WIPI2: variants seen among roughly 807,000 people sequenced by gnomAD.
WIPI2 encodes WD repeat domain, phosphoinositide interacting 2.
WIPI2 carries 28 observed loss-of-function variants against 52.3 expected under a neutral mutation model. The ratio of observed to expected loss-of-function variants is 0.54; its 90% CI spans 0.40 to 0.73. WIPI2 has a LOEUF of 0.73. Among genes scored for constraint, WIPI2 ranks in the 30% least tolerant of loss-of-function variants. The pLI is 0.00. For missense variants in WIPI2, 506 were observed against 602.9 expected, an observed-to-expected ratio of 0.84 and a Z score of 1.68; for synonymous variants, 268 against 245.0, an observed-to-expected ratio of 1.09 and a Z score of -0.88.
At chr7:5,211,243 G>A (rs1278090168) in intron 3 of WIPI2, among the ~76,000 whole-genome samples, 4 of 152,174 alleles carry the variant, frequency 2.6e-5, no homozygotes, top group South Asian at 2.1e-4. Context: ...AGGCTGAGGC[G>A]GGTGCATCAC....
intron 3 of WIPI2, among the ~76,000 whole-genome samples, chr7:5,205,933 G>A (rs370317766): frequency 6.7e-4 from 100 of 150,088 alleles, no homozygotes; most frequent in African/African-American, 2.4e-3. Context: ...TTTTTCTGTT[G>A]GGTTATTTAT....
At chr7:5,206,776 A>G (rs1782316322) in intron 3 of WIPI2, among the ~76,000 whole-genome samples, 1 of 151,936 alleles carries the variant, frequency 6.6e-6, no homozygotes, top group African/African-American at 2.4e-5. Flanking sequence ...TTTTATGTTT[A>G]TTTCTTTTTT....
At chr7:5,194,672 A>T (rs1166749372) in intron 2 of WIPI2, among the ~76,000 whole-genome samples, 1 of 152,254 alleles carries the variant, frequency 6.6e-6, no homozygotes, top group Non-Finnish European at 1.5e-5. Flanking sequence ...ATGGGGTTTC[A>T]CTTTGTTGCC....
rs1783491433 is a variant in WIPI2, at chr7:5,227,407, G to A, written c.1013+63G>A. The stretch of plus-strand genomic sequence containing the variant: ...GCCTCAGGCCGAGGGGCCCAGTCCT[G>A]GCGGCTTGTGGCCCCTTCCGTGCTT... On this transcript the variant is annotated intron_variant, in intron 10 of 12. Coordinates refer to ENST00000288828, the MANE Select transcript of WIPI2 (RefSeq NM_015610.4). The surrounding 1 kb of genome is among the most constrained non-coding windows in gnomAD (Gnocchi z 8.1). 3.2e-6 allele frequency: 5 copies of A among 1,575,106 alleles called. No individual in the cohort carries two copies. The highest frequency in any genetic ancestry group is 1.3e-5 in the African/African-American group (1 of 74,100).
intron 2 of WIPI2, among the ~76,000 whole-genome samples, chr7:5,198,336 T>G (rs1243873813): frequency 6.6e-6 from 1 of 151,838 alleles, no homozygotes; most frequent in Non-Finnish European, 1.5e-5. Context: ...TTTTTTTGGT[T>G]GGAGTCTCGC....
Position 5,193,178 on chromosome 7 carries a change from T to G in WIPI2, c.128+7T>G, listed in dbSNP as rs139158009. On this transcript the variant is annotated splice_region_variant and intron_variant, in intron 2 of 12. Coordinates refer to ENST00000288828, the MANE Select transcript of WIPI2 (RefSeq NM_015610.4). ...GCCGTCGCGCTGTTGTCTGGTTAGT[T>G]CCAACCCTGGTTTCTGAAAGTATCA... The G allele has an allele frequency of 2.0e-3, 3,248 of 1,613,162 alleles. 80 individuals carry two copies. The East Asian group carries it at 0.057, about 28-fold the overall frequency.
chr7:5,217,821 G>A, intron 6 of WIPI2, 101 bp from the exon 7 acceptor site: 1 of 1,141,920 alleles, frequency 8.8e-7, no homozygotes, highest in Non-Finnish European at 1.3e-6. Flanking sequence ...CCGTAATGGT[G>A]TTTTAGGAAC....
intron 3 of WIPI2, among the ~76,000 whole-genome samples, chr7:5,205,841 T>G (rs1426818917): frequency 6.7e-6 from 1 of 149,524 alleles, no homozygotes; most frequent in African/African-American, 2.5e-5. Context: ...TCAAACTGAG[T>G]TCTTTTTTTT....
chr7:5,216,838 TG>T (rs1782839128), intron 5 of WIPI2, 179 bp downstream of exon 5: 3 of 710,200 alleles, frequency 4.2e-6, no homozygotes, highest in Non-Finnish European at 6.9e-6. Context: ...ATAAGCTCAT[TG>T]GTTTGATCAA....
intron 3 of WIPI2, among the ~76,000 whole-genome samples, chr7:5,211,937 G>A (rs890708482): frequency 5.9e-5 from 9 of 152,220 alleles, no homozygotes; most frequent in East Asian, 1.9e-4. Context: ...GTTAGGACGC[G>A]TGCCGCTGAG....
intron 3 of WIPI2, among the ~76,000 whole-genome samples, chr7:5,205,847 T>C (rs1029415573): frequency 6.6e-6 from 1 of 151,028 alleles, no homozygotes; most frequent in African/African-American, 2.4e-5. Flanking sequence ...TGAGTTCTTT[T>C]TTTTTTTTCC....
chr7:5,214,271 A>G lies in WIPI2; in HGVS notation c.212-264A>G, dbSNP rs1583569887. The G allele has an allele frequency of 3.5e-6, 5 of 1,439,130 alleles. No individual in the cohort carries two copies. The East Asian group carries it at 1.3e-4, about 38-fold the overall frequency. The allele number at this position is 1,439,130 out of a possible 1,614,324, so 89.1% of individuals were successfully genotyped here. A position where few individuals can be genotyped will look rare whatever the true frequency, so the allele number is the denominator to read the frequency against. On this transcript the variant is annotated intron_variant, in intron 3 of 12. Transcript: ENST00000288828. ...AAACTCACCATTCAAATCCAGCAAC[A>G]GAACTGACTGAAAGGAACCTTTGTC...
intron 3 of WIPI2, among the ~76,000 whole-genome samples, chr7:5,212,784 C>T (rs770174060): frequency 2.0e-5 from 3 of 152,224 alleles, no homozygotes; most frequent in Non-Finnish European, 4.4e-5. Context: ...TCCCAAAGTG[C>T]GGGGATTACA....
Position 5,193,118 on chromosome 7 carries a change from A to C in WIPI2, c.75A>C (p.Thr25=). 6.2e-7 allele frequency: 1 copy of C among 1,613,702 alleles called. No homozygotes were observed. The highest frequency in any genetic ancestry group is 8.5e-7 in the Non-Finnish European group (1 of 1,179,854). The stretch of plus-strand genomic sequence containing the variant: ...TGTTTTGTTTTGTTTTTTTACCTAG[A>C]GAAGTGAAAGGGGCATCAAGAGCAG... ...LLFANFNQDN[T]EVKGASRAAG... The change falls in exon 2 of 13, where the codon ACA becomes ACC. Residue 25 remains threonine, a splice_region_variant and synonymous_variant. Transcript: ENST00000288828.
rs550596972 is a variant in WIPI2 at position 5,198,258 on chromosome 7, C to T, written c.129-1318C>T. Among the ~76,000 whole-genome samples, 4 of 152,216 alleles carry T rather than the reference C, an allele frequency of 2.6e-5. No homozygotes were observed. The South Asian group carries it at 8.3e-4, about 32-fold the overall frequency. On this transcript the variant is annotated intron_variant, in intron 2 of 12. Coordinates refer to ENST00000288828, the MANE Select transcript of WIPI2 (RefSeq NM_015610.4). ...AGGCCTGCAGAAGCACAGAGAGATG[C>T]CTGCGCCCACCTCGATTTTAAATAC...
intron 8 of WIPI2, among the ~76,000 whole-genome samples, chr7:5,223,633 G>T (rs1783264395): frequency 6.6e-6 from 1 of 152,140 alleles, no homozygotes; most frequent in South Asian, 2.1e-4. Context: ...TCACCCCCGT[G>T]GCCTGTGTGT....
chr7:5,220,623 G>A (rs1488992822), intron 7 of WIPI2, among the ~76,000 whole-genome samples: 1 of 151,860 alleles, frequency 6.6e-6, no homozygotes, highest in Non-Finnish European at 1.5e-5. Flanking sequence ...CAACAGGAAC[G>A]AATCATCAGG....
chr7:5,220,279 C>T (rs1201908214), intron 7 of WIPI2, among the ~76,000 whole-genome samples: 7 of 149,352 alleles, frequency 4.7e-5, no homozygotes, highest in African/African-American at 1.5e-4. Context: ...CTTGTTCTGT[C>T]CCCCAGGCTG....
chr7:5,214,239 G>T, intron 3 of WIPI2: 1 of 1,332,598 alleles, frequency 7.5e-7, no homozygotes, highest in Non-Finnish European at 9.7e-7. Context: ...CTAGGAGTTT[G>T]GTTCCTAAAC....
Sources: gnomAD v4.1 joint callset for allele counts (sites outside exome capture counted in the v4.1 genomes callset) on GRCh38, gnomAD v4.1.1 for gene constraint, Gnocchi (gnomAD v3.1) non-coding constraint, MANE v1.5 for transcripts, NCBI Gene and HGNC (gene_info 2026-07-23, HGNC 2026-07-21) for gene names.